CDH12: variants seen among roughly 807,000 people sequenced by gnomAD.
CDH12 encodes the protein cadherin-12.
CDH12 carries 41 observed loss-of-function variants against 74.1 expected under a neutral mutation model. The observed-to-expected ratio is 0.55, with a 90% CI of 0.43 to 0.72. The LOEUF (loss-of-function observed/expected upper bound fraction) is 0.72. Among genes scored for constraint, CDH12 ranks in the 30% least tolerant of loss-of-function variants. CDH12 has a pLI of 0.00. For missense variants in CDH12, 945 were observed against 977.2 expected (o/e 0.97, Z 0.44); for synonymous variants, 399 against 355.0 (o/e 1.12, Z -1.39).
chr5:21,850,593 A>T (rs1377887550), intron 7 of CDH12, among the ~76,000 whole-genome samples: 1 of 151,528 alleles, frequency 6.6e-6, no homozygotes, highest in African/African-American at 2.4e-5. Flanking sequence ...GACATACAAG[A>T]ATAATATCGG....
chr5:22,081,463 G>C (rs940614490), intron 4 of CDH12, among the ~76,000 whole-genome samples: 1 of 152,076 alleles, frequency 6.6e-6, no homozygotes, highest in African/African-American at 2.4e-5. Context: ...CCTATTCCAA[G>C]CATATCAGTT....
chr5:21,917,824 G>C (rs913173286), intron 6 of CDH12, among the ~76,000 whole-genome samples: 3 of 152,122 alleles, frequency 2.0e-5, no homozygotes, highest in Non-Finnish European at 4.4e-5. Flanking sequence ...AATTATTTAT[G>C]GTTGGTAGAA....
chr5:22,201,595 A>C lies in CDH12; in HGVS notation c.-187+10903T>G, dbSNP rs13157519. ...TGTATATTATTTGAGTGATGGATAC[A>C]CTAAAATGCCAGACTTCACCCTATG... is the stretch of plus-strand genomic sequence containing the variant. On this transcript the variant is annotated intron_variant, in intron 4 of 14. Transcript: ENST00000382254. 2.0e-5 allele frequency among the ~76,000 whole-genome samples: 3 copies of C among 152,282 alleles called. No individual in the cohort carries two copies. The East Asian group carries it at 5.8e-4, about 29-fold the overall frequency.
intron 1 of CDH12, among the ~76,000 whole-genome samples, chr5:22,821,346 A>C (rs1749690547): frequency 6.6e-6 from 1 of 152,186 alleles, no homozygotes; most frequent in Non-Finnish European, 1.5e-5. Context: ...GCCCTCTCTC[A>C]CCACTCCTAT....
intron 3 of CDH12, among the ~76,000 whole-genome samples, chr5:22,239,790 G>A (rs1439471145): frequency 6.6e-6 from 1 of 152,152 alleles, no homozygotes; most frequent in East Asian, 1.9e-4. Context: ...AGAGGGTGTT[G>A]AGCTAGTTGG....
intron 2 of CDH12, among the ~76,000 whole-genome samples, chr5:22,427,494 C>A (rs940609160): frequency 1.3e-5 from 2 of 152,104 alleles, no homozygotes; most frequent in African/African-American, 4.8e-5. Flanking sequence ...CTGAACTAGA[C>A]CACTTAGCCA....
chr5:21,767,709 C>T (rs955358243), intron 11 of CDH12, among the ~76,000 whole-genome samples: 2 of 151,468 alleles, frequency 1.3e-5, no homozygotes, highest in Admixed American at 1.3e-4. Context: ...AAATGAGTAA[C>T]AAGTTTATCT....
At chr5:22,150,525 AAC>A (rs34902507) in intron 4 of CDH12, among the ~76,000 whole-genome samples, 5 of 150,602 alleles carry the variant, frequency 3.3e-5, no homozygotes, top group African/African-American at 9.7e-5. Flanking sequence ...ATATATATAG[AAC>A]ACACACACAC....
At chr5:21,791,682 TA>T (rs34771574) in intron 10 of CDH12, among the ~76,000 whole-genome samples, 95,264 of 147,578 alleles carry the variant, frequency 0.65, 31,113 homozygotes, top group Middle Eastern at 0.73. Context: ...TGATTGTTGC[TA>T]AAAAAAAAAA....
intron 3 of CDH12, among the ~76,000 whole-genome samples, chr5:22,318,592 G>A (rs1244667139): frequency 6.6e-6 from 1 of 152,250 alleles, no homozygotes. Flanking sequence ...CTGGAATTGA[G>A]GCAATCCAAG....
intron 3 of CDH12, among the ~76,000 whole-genome samples, chr5:22,326,176 T>C (rs1002966665): frequency 6.6e-6 from 1 of 152,100 alleles, no homozygotes; most frequent in African/African-American, 2.4e-5. Context: ...AAATTCATTC[T>C]CTCAATCAAG....
At chr5:22,685,576 A>G (rs886308509) in intron 1 of CDH12, among the ~76,000 whole-genome samples, 11 of 152,168 alleles carry the variant, frequency 7.2e-5, no homozygotes, top group African/African-American at 2.4e-4. Flanking sequence ...TTCACTCAGT[A>G]CTGAGCAACC....
chr5:22,669,218 A>G (rs1327068658), intron 1 of CDH12, among the ~76,000 whole-genome samples: 1 of 152,210 alleles, frequency 6.6e-6, no homozygotes, highest in Admixed American at 6.5e-5. Context: ...AGCCTGTAAT[A>G]TGAAACTTCA....
intron 1 of CDH12, among the ~76,000 whole-genome samples, chr5:22,697,342 C>T (rs557352051): frequency 1.1e-3 from 160 of 151,976 alleles, no homozygotes; most frequent in Non-Finnish European, 1.6e-3. Flanking sequence ...GAGGCCGAGG[C>T]GGGTGGATCA....
intron 5 of CDH12, among the ~76,000 whole-genome samples, chr5:22,004,924 A>G (rs896971007): frequency 6.6e-6 from 1 of 152,006 alleles, no homozygotes; most frequent in African/African-American, 2.4e-5. Flanking sequence ...CAGTTATTTC[A>G]CCCAAGATAA....
intron 3 of CDH12, among the ~76,000 whole-genome samples, chr5:22,231,531 CTCTT>C (rs574673683): frequency 4.6e-5 from 7 of 152,110 alleles, no homozygotes; most frequent in Admixed American, 3.3e-4. Flanking sequence ...GCCAAAATAA[CTCTT>C]TATTTAGTAG....
chr5:22,657,231 TGGGA>T (rs945117447), intron 1 of CDH12, among the ~76,000 whole-genome samples: 4 of 152,038 alleles, frequency 2.6e-5, no homozygotes, highest in Non-Finnish European at 5.9e-5. Context: ...ATAGTGGTAT[TGGGA>T]GGAAGGGGAT....
At chr5:21,860,588 G>A (rs1750992581) in intron 6 of CDH12, among the ~76,000 whole-genome samples, 1 of 152,052 alleles carries the variant, frequency 6.6e-6, no homozygotes, top group Non-Finnish European at 1.5e-5. Flanking sequence ...AATCTGGGTG[G>A]GCACAATCTA....
Position 22,841,404 on chromosome 5 carries a change from G to A in CDH12, c.-523+11654C>T, listed in dbSNP as rs1737075909. ...CTGAGCATAGAATATGTTTGTGAGT[G>A]AAGACCTATAATTCATTTTGGACGT... On this transcript the variant is annotated intron_variant, in intron 1 of 14. Transcript: ENST00000382254. Among the ~76,000 whole-genome samples, 18 of 152,266 alleles carry A rather than the reference G, an allele frequency of 1.2e-4. 1 individual carries two copies. The South Asian group carries it at 3.7e-3, about 32-fold the overall frequency.
Sources: gnomAD v4.1 joint callset for allele counts (sites outside exome capture counted in the v4.1 genomes callset) on GRCh38, gnomAD v4.1.1 for gene constraint, MANE v1.5 for transcripts, NCBI Gene and HGNC (gene_info 2026-07-23, HGNC 2026-07-21) for gene names.